The following NEK1 variants were observed in gnomAD, a reference collection of about 807,000 sequenced individuals.
The protein encoded by NEK1 is serine/threonine-protein kinase Nek1.
NEK1 carries 137 observed loss-of-function variants against 182.1 expected under a neutral mutation model. The observed-to-expected ratio is 0.75, with a 90% CI of 0.65 to 0.87. The LOEUF is 0.87. Among genes scored for constraint, NEK1 ranks in the 40% least tolerant of loss-of-function variants. The pLI is 0.00. For missense variants in NEK1, 1,391 were observed against 1,494.4 expected (o/e 0.93, Z 1.14); for synonymous variants, 513 against 492.2 (o/e 1.04, Z -0.56).
At chr4:169,406,144 T>C (rs1299623834) in intron 32 of NEK1, among the ~76,000 whole-genome samples, 2 of 121,416 alleles carry the variant, frequency 1.6e-5, no homozygotes, top group African/African-American at 6.6e-5. Context: ...CTCACTATGT[T>C]GCCCAGGCTG....
chr4:169,469,946 CTT>C (rs61539003), intron 26 of NEK1, among the ~76,000 whole-genome samples: 229 of 118,862 alleles, frequency 1.9e-3, no homozygotes, highest in Non-Finnish European at 2.7e-3. Flanking sequence ...GCAACCCCTG[CTT>C]TTTTTTTTTT....
intron 11 of NEK1, among the ~76,000 whole-genome samples, chr4:169,579,264 G>A (rs963395316): frequency 1.3e-5 from 2 of 152,082 alleles, no homozygotes; most frequent in Non-Finnish European, 2.9e-5. Context: ...ATGCTCTTAC[G>A]ACAAATTACT....
At chr4:169,492,418 C>G (rs1449968310) in intron 23 of NEK1, among the ~76,000 whole-genome samples, 1 of 152,184 alleles carries the variant, frequency 6.6e-6, no homozygotes, top group Non-Finnish European at 1.5e-5. Flanking sequence ...CTGAGGAACT[C>G]AGAGTCCAGC....
At chr4:169,492,054 A>G (rs1243133720) in intron 23 of NEK1, among the ~76,000 whole-genome samples, 1 of 152,216 alleles carries the variant, frequency 6.6e-6, no homozygotes. Flanking sequence ...GCACAAAATC[A>G]CAAGAGTAGA....
chr4:169,571,175 TAAAA>T (rs1404754952), intron 12 of NEK1, among the ~76,000 whole-genome samples: 32 of 104,876 alleles, frequency 3.1e-4, no homozygotes, highest in African/African-American at 5.2e-4. Context: ...GAATGATCAA[TAAAA>T]AAATAAATAA....
At chr4:169,588,426 TATAAC>T (rs1767878695) in intron 8 of NEK1, among the ~76,000 whole-genome samples, 1 of 152,168 alleles carries the variant, frequency 6.6e-6, no homozygotes, top group Non-Finnish European at 1.5e-5. Context: ...TACTTTCAAT[TATAAC>T]ATAAATAATA....
Position 169,602,532 on chromosome 4 carries a change from C to T in NEK1, c.99G>A (p.Lys33=), listed in dbSNP as rs758301993. The part of the protein sequence containing the change: ...STEDGRQYVI[K]EINISRMSSK... ...TACTTACTCTTGAGATGTTAATTTCCTTGATAACATACTGTCTGCCATCTT... is the reference window on the plus strand; with the variant it reads ...TACTTACTCTTGAGATGTTAATTTCTTTGATAACATACTGTCTGCCATCTT... The change falls in exon 3 of 36, where the codon AAG becomes AAA. Residue 33 remains lysine (K), a synonymous_variant. Coordinates refer to ENST00000507142, the MANE Select transcript of NEK1 (RefSeq NM_001199397.3). 1.4e-5 allele frequency: 22 copies of T among 1,585,588 alleles called. 1 individual carries two copies. The South Asian group carries it at 2.3e-4, about 17-fold the overall frequency.
intron 23 of NEK1, among the ~76,000 whole-genome samples, chr4:169,500,781 A>T (rs1339232335): frequency 6.6e-6 from 1 of 152,174 alleles, no homozygotes; most frequent in African/African-American, 2.4e-5. Context: ...CATGAAAATA[A>T]AAGAATGATA....
rs571514327 is a variant in NEK1 at position 169,472,082 on chromosome 4, C to T, written c.2434+5042G>A. On this transcript the variant is annotated intron_variant, in intron 26 of 35. Coordinates refer to ENST00000507142, the MANE Select transcript of NEK1 (RefSeq NM_001199397.3). ...GTGGGATCCGCTGAGCAATACCACT[C>T]GGGTCCCTGGCTTCAGCTCCCTTTC... Among the ~76,000 whole-genome samples, 79 of 152,002 alleles carry T rather than the reference C, an allele frequency of 5.2e-4. No individual in the cohort carries two copies. The East Asian group carries it at 0.011, about 22-fold the overall frequency.
chr4:169,571,872 G>A (rs1280270999), intron 12 of NEK1, among the ~76,000 whole-genome samples: 2 of 149,482 alleles, frequency 1.3e-5, no homozygotes, highest in Non-Finnish European at 3.0e-5. Flanking sequence ...GGGATTATAG[G>A]CACACACCAC....
intron 31 of NEK1, 105 bp from the exon 32 acceptor site, chr4:169,406,852 G>A: frequency 1.2e-6 from 1 of 825,990 alleles, no homozygotes; most frequent in Non-Finnish European, 1.8e-6. Context: ...TGTGTAAAAT[G>A]TAACATATAA....
intron 19 of NEK1, among the ~76,000 whole-genome samples, chr4:169,527,843 A>G (rs1052516670): frequency 6.6e-6 from 1 of 152,158 alleles, no homozygotes; most frequent in Non-Finnish European, 1.5e-5. Flanking sequence ...CTTTAAGTAT[A>G]ATAATGAATT....
intron 8 of NEK1, 65 bp from the exon 9 acceptor site, chr4:169,587,678 C>T: frequency 2.0e-6 from 2 of 986,262 alleles, no homozygotes; most frequent in East Asian, 5.5e-5. Flanking sequence ...AAAGGAAACA[C>T]AAACAGCATA....
At chr4:169,480,969 G>T (rs1372608704) in intron 23 of NEK1, among the ~76,000 whole-genome samples, 1 of 152,168 alleles carries the variant, frequency 6.6e-6, no homozygotes, top group Non-Finnish European at 1.5e-5. Flanking sequence ...CTCAAACCCT[G>T]CTGTTGCTTT....
chr4:169,575,904 T>G (rs1208002891), intron 12 of NEK1, among the ~76,000 whole-genome samples: 1 of 152,048 alleles, frequency 6.6e-6, no homozygotes, highest in Non-Finnish European at 1.5e-5. Flanking sequence ...TATTACTGCA[T>G]GCTTTAAAAA....
chr4:169,560,930 G>A (rs764141766), intron 16 of NEK1, among the ~76,000 whole-genome samples: 19 of 152,152 alleles, frequency 1.2e-4, no homozygotes, highest in Non-Finnish European at 2.4e-4. Flanking sequence ...ATGGAGGTGG[G>A]ACGTGAGGGT....
chr4:169,545,973 T>G (rs1434172552), intron 18 of NEK1, among the ~76,000 whole-genome samples: 4 of 152,176 alleles, frequency 2.6e-5, no homozygotes, highest in Non-Finnish European at 2.9e-5. Flanking sequence ...GAAGAATCAA[T>G]ATCGTGAAAA....
Position 169,524,190 on chromosome 4 carries a change from T to C in NEK1, c.1665+13619A>G, listed in dbSNP as rs146912674. ...ACAATGGAATATCATACAGCAATAC[T>C]TGACAATATGAATGAATCTTAGAAA... is the stretch of plus-strand genomic sequence containing the variant. On this transcript the variant is annotated intron_variant, in intron 19 of 35. Coordinates refer to ENST00000507142, the MANE Select transcript of NEK1 (RefSeq NM_001199397.3). Among the ~76,000 whole-genome samples, 6 of 152,308 alleles carry C rather than the reference T, an allele frequency of 3.9e-5. No individual in the cohort carries two copies. The East Asian group carries it at 7.7e-4, about 20-fold the overall frequency.
chr4:169,470,941 A>T (rs567627524), intron 26 of NEK1, among the ~76,000 whole-genome samples: 9 of 152,126 alleles, frequency 5.9e-5, no homozygotes, highest in Non-Finnish European at 1.2e-4. Context: ...TATGCTTCAC[A>T]AAGTTCTCTT....
Sources: allele counts gnomAD v4.1 joint callset (sites outside exome capture counted in the v4.1 genomes callset), GRCh38; gene constraint gnomAD v4.1.1; transcripts MANE v1.5; gene names NCBI Gene and HGNC (gene_info 2026-07-23, HGNC 2026-07-21).